EGFLAM: variants seen among roughly 807,000 people sequenced by gnomAD.
EGFLAM encodes the protein EGF like, fibronectin type III and laminin G domains.
A neutral mutation model predicts 113.1 loss-of-function variants in EGFLAM; 79 were observed. The observed-to-expected ratio is 0.70, with a 90% CI of 0.58 to 0.84. The LOEUF (loss-of-function observed/expected upper bound fraction) is 0.84, where lower values mean the gene tolerates loss of function less well. Ranked by LOEUF, EGFLAM falls within the 40% of genes least tolerant of loss-of-function variation. EGFLAM has a pLI of 0.00. For missense variants in EGFLAM, 1,265 were observed against 1,291.6 expected (o/e 0.98, Z 0.32); for synonymous variants, 504 against 487.6 (o/e 1.03, Z -0.44).
rs370450803 is a variant in EGFLAM, at chr5:38,458,878, G to A, written c.2771+484G>A. Among the ~76,000 whole-genome samples the A allele has an allele frequency of 4.2e-4, 64 of 152,156 alleles. 1 individual carries two copies. The South Asian group carries it at 0.012, about 30-fold the overall frequency. Reference sequence around the variant, plus strand: ...CGCCTGTAATCCTAACTACTCGGGAGGCTGAGGTGGGAGGACCGCTTAAGC... The same window carrying A: ...CGCCTGTAATCCTAACTACTCGGGAAGCTGAGGTGGGAGGACCGCTTAAGC... On this transcript the variant is annotated intron_variant, in intron 20 of 21. Coordinates refer to ENST00000322350, the MANE Select transcript of EGFLAM (RefSeq NM_152403.4).
Position 38,370,361 on chromosome 5 carries a change from A to G in EGFLAM, c.611A>G (p.Lys204Arg). The G allele has an allele frequency of 6.2e-7, 1 of 1,614,198 alleles. No homozygotes were observed. The highest frequency in any genetic ancestry group is 1.1e-5 in the South Asian group (1 of 91,072). ...ERIQMDSMVI[K>R]GLDPDTNYQF... is the part of the protein sequence containing the mutation. Reference sequence around the variant, plus strand: ...ATCCAGATGGACTCCATGGTTATCAAGGGCCTCGATCCAGATACCAACTAC... The same window carrying G: ...ATCCAGATGGACTCCATGGTTATCAGGGGCCTCGATCCAGATACCAACTAC... Residue 204 changes from lysine to arginine, a missense_variant, in exon 6 of 22, where the codon AAG becomes AGG. By Grantham distance (26) the Lys-to-Arg change is conservative (BLOSUM62 2). Coordinates refer to ENST00000322350, the MANE Select transcript of EGFLAM (RefSeq NM_152403.4).
At chr5:38,407,171 AGTG>A (rs997564830) in intron 8 of EGFLAM, 25 bp downstream of exon 8, 5 of 1,605,942 alleles carry the variant, frequency 3.1e-6, no homozygotes, top group Non-Finnish European at 4.3e-6. Context: ...GAGAGGAAGA[AGTG>A]GTGATGAATT....
rs1187925549 is a variant in EGFLAM at position 38,465,228 on chromosome 5, C to G, written c.*1242C>G. Among the ~76,000 whole-genome samples, 1 of 152,128 alleles carries G rather than the reference C, an allele frequency of 6.6e-6. No individual in the cohort carries two copies. Among genetic ancestry groups the G allele is most frequent in the East Asian group, 1.9e-4 (1 of 5,184 alleles). ...GCTGTGTCCCTTTACTATGCAAGCACATGACCCCAGAGACAGCTGGTTCAC... is the reference window on the plus strand; with the variant it reads ...GCTGTGTCCCTTTACTATGCAAGCAGATGACCCCAGAGACAGCTGGTTCAC... On this transcript the variant is annotated 3_prime_UTR_variant, in exon 22 of 22. Coordinates refer to ENST00000322350, the MANE Select transcript of EGFLAM (RefSeq NM_152403.4).
chr5:38,448,233 CATGTGT>C lies in EGFLAM; in HGVS notation c.2465-67_2465-62del, dbSNP rs200420356. On this transcript the variant is annotated intron_variant, in intron 17 of 21. Coordinates refer to ENST00000322350, the MANE Select transcript of EGFLAM (RefSeq NM_152403.4). ...TTCCAGGAGCTGGGTGTTTTCCTGCCATGTGTGTGAGTGCAGGGGTCAAGAGAACCA... is the reference window on the plus strand; with the variant it reads ...TTCCAGGAGCTGGGTGTTTTCCTGCCGTGAGTGCAGGGGTCAAGAGAACCA... The C allele has an allele frequency of 1.3e-3, 1,952 of 1,512,610 alleles. 22 individuals carry two copies. The African/African-American group carries it at 0.024, about 19-fold the overall frequency. 93.7% of individuals were successfully genotyped at this position (1,512,610 alleles called of 1,614,324 possible). A position where few individuals can be genotyped will look rare whatever the true frequency, so the allele number is the denominator to read the frequency against.
At chr5:38,373,142 G>A (rs1740267723) in intron 6 of EGFLAM, among the ~76,000 whole-genome samples, 1 of 152,132 alleles carries the variant, frequency 6.6e-6, no homozygotes, top group Non-Finnish European at 1.5e-5. Flanking sequence ...AATGTGCTGG[G>A]CACTTTACCT....
chr5:38,409,815 C>A (rs1269916980), intron 10 of EGFLAM, among the ~76,000 whole-genome samples: 4 of 152,214 alleles, frequency 2.6e-5, no homozygotes, highest in Admixed American at 2.0e-4. Context: ...CTCATCGTTT[C>A]TCCCCCAACA....
At chr5:38,361,161 C>G (rs1170764417) in intron 5 of EGFLAM, among the ~76,000 whole-genome samples, 1 of 152,010 alleles carries the variant, frequency 6.6e-6, no homozygotes, top group Non-Finnish European at 1.5e-5. Flanking sequence ...CCACCGCACC[C>G]TCCCTGGCCA....
chr5:38,413,936 C>T lies in EGFLAM; in HGVS notation c.1494+1288C>T, dbSNP rs146628634. 3.1e-3 allele frequency among the ~76,000 whole-genome samples: 474 copies of T among 152,286 alleles called. 1 individual carries two copies. Among genetic ancestry groups the T allele is most frequent in the African/African-American group, 7.8e-3 (326 of 41,562 alleles). On this transcript the variant is annotated intron_variant, in intron 11 of 21. Transcript: ENST00000322350. ...CGCATGCGCAGTTCACAACAGGGTT[C>T]GTGCTCCTGTAAGAATCTAATGGCA...
chr5:38,307,535 G>GGAACTGT (rs992689493), intron 1 of EGFLAM, among the ~76,000 whole-genome samples: 53 of 152,274 alleles, frequency 3.5e-4, no homozygotes, highest in African/African-American at 1.3e-3. Context: ...TCAGGCCTGC[G>GGAACTGT]GAACTGTGAG....
intron 5 of EGFLAM, among the ~76,000 whole-genome samples, chr5:38,367,743 A>G (rs1448886881): frequency 1.3e-5 from 2 of 152,210 alleles, no homozygotes; most frequent in Non-Finnish European, 2.9e-5. Context: ...ATGATTTAAG[A>G]CAATACTTTT....
chr5:38,424,802 C>T (rs1462196803), intron 12 of EGFLAM, among the ~76,000 whole-genome samples, 165 bp from the exon 13 acceptor site: 1 of 152,176 alleles, frequency 6.6e-6, no homozygotes, highest in African/African-American at 2.4e-5. Flanking sequence ...GAGCAGGTTC[C>T]ACTTATCCTG....
At chr5:38,415,236 G>A (rs1343556855) in intron 11 of EGFLAM, among the ~76,000 whole-genome samples, 3 of 151,820 alleles carry the variant, frequency 2.0e-5, no homozygotes, top group Admixed American at 6.6e-5. Flanking sequence ...GGTGGTGGGC[G>A]CCTGTAATCC....
chr5:38,357,349 G>A (rs993401544), intron 5 of EGFLAM, among the ~76,000 whole-genome samples: 1 of 152,110 alleles, frequency 6.6e-6, no homozygotes, highest in Non-Finnish European at 1.5e-5. Flanking sequence ...CTTTGATCTT[G>A]GACTTCCTGG....
intron 5 of EGFLAM, among the ~76,000 whole-genome samples, chr5:38,354,457 G>C (rs909189735): frequency 4.6e-5 from 7 of 152,290 alleles, no homozygotes; most frequent in African/African-American, 1.7e-4. Context: ...GGCCAGGCGC[G>C]GTGGCTCACG....
At chr5:38,328,732 T>G (rs369584686) in intron 1 of EGFLAM, among the ~76,000 whole-genome samples, 4,805 of 150,370 alleles carry the variant, frequency 0.032, 99 homozygotes, top group East Asian at 0.054. Context: ...TGTTTTTTTT[T>G]TTTTTTTTTT....
chr5:38,395,178 A>G (rs115692741), intron 6 of EGFLAM, among the ~76,000 whole-genome samples: 4,891 of 150,010 alleles, frequency 0.033, 293 homozygotes, highest in African/African-American at 0.12. Context: ...AACCTTAGGC[A>G]ATCTGCCCGC....
chr5:38,435,866 G>A (rs1972721), intron 16 of EGFLAM, among the ~76,000 whole-genome samples: 1,615 of 130,434 alleles, frequency 0.012, 19 homozygotes, highest in East Asian at 0.041. Context: ...CGCCCAGGCT[G>A]TAGCGCAGTG....
At chr5:38,364,365 AAAG>A (rs1340489914) in intron 5 of EGFLAM, among the ~76,000 whole-genome samples, 1 of 152,154 alleles carries the variant, frequency 6.6e-6, no homozygotes, top group African/African-American at 2.4e-5. Flanking sequence ...TTATGGGAGC[AAAG>A]AAGGACACAT....
intron 1 of EGFLAM, among the ~76,000 whole-genome samples, chr5:38,300,257 GCA>G (rs1758543469): frequency 6.6e-6 from 1 of 152,194 alleles, no homozygotes; most frequent in Non-Finnish European, 1.5e-5. Context: ...GTCAAATCAT[GCA>G]CAGTCCCAAG....
Sources: gnomAD v4.1 joint callset for allele counts (sites outside exome capture counted in the v4.1 genomes callset) on GRCh38, gnomAD v4.1.1 for gene constraint, MANE v1.5 for transcripts, NCBI Gene and HGNC (gene_info 2026-07-23, HGNC 2026-07-21) for gene names.